The following JAZF1 variants were observed in gnomAD, a reference collection of about 807,000 sequenced individuals.
JAZF1 encodes the protein juxtaposed with another zinc finger protein 1.
JAZF1 carries 8 observed loss-of-function variants against 26.4 expected under a neutral mutation model. That is an observed-to-expected ratio of 0.30 (90% CI 0.18 to 0.55). JAZF1 has a LOEUF of 0.55. Ranked by LOEUF, JAZF1 falls within the 20% of genes least tolerant of loss-of-function variation. JAZF1 has a pLI of 0.94. For missense variants in JAZF1, 199 were observed against 322.0 expected (o/e 0.62, Z 2.92); for synonymous variants, 126 against 122.3 (o/e 1.03, Z -0.20).
chr7:28,015,909 C>T (rs992174220), intron 1 of JAZF1, among the ~76,000 whole-genome samples: 1 of 152,158 alleles, frequency 6.6e-6, no homozygotes, highest in African/African-American at 2.4e-5. Flanking sequence ...CCCCAGGCTC[C>T]AGGTCCCTGC....
At chr7:28,177,099 T>A (rs1313570614) in intron 1 of JAZF1, among the ~76,000 whole-genome samples, 3 of 152,174 alleles carry the variant, frequency 2.0e-5, no homozygotes, top group African/African-American at 7.2e-5. Context: ...GTTGCAGGGC[T>A]ACGGGATTTC....
intron 3 of JAZF1, among the ~76,000 whole-genome samples, chr7:27,848,656 A>C (rs1253911805): frequency 1.3e-5 from 2 of 152,160 alleles, no homozygotes; most frequent in Non-Finnish European, 2.9e-5. Context: ...GCTCTGATTG[A>C]AGTGCCACGG....
intron 1 of JAZF1, among the ~76,000 whole-genome samples, chr7:28,015,848 C>T (rs925789671): frequency 2.6e-5 from 4 of 152,140 alleles, no homozygotes; most frequent in South Asian, 4.1e-4. Context: ...TGCTCAGGAT[C>T]GTCCCTGAAA....
At chr7:28,047,000 G>A (rs922926052) in intron 1 of JAZF1, among the ~76,000 whole-genome samples, 3 of 151,776 alleles carry the variant, frequency 2.0e-5, no homozygotes, top group African/African-American at 7.3e-5. Flanking sequence ...AAGACTTCAG[G>A]GCTTCTTGTC....
chr7:27,930,323 A>T (rs1199861737), intron 2 of JAZF1, among the ~76,000 whole-genome samples: 1 of 152,214 alleles, frequency 6.6e-6, no homozygotes, highest in Admixed American at 6.5e-5. Flanking sequence ...TAATGAACAT[A>T]TATTACTTTT....
rs185054658 is a variant in JAZF1, at chr7:27,889,803, C to A, written c.385+5417G>T. ...AAAAATTAGCTGGGTGGTGTTGATG[C>A]GCACCTGTATTCCCAGCTACTTGGG... On this transcript the variant is annotated intron_variant, in intron 3 of 4. Transcript: ENST00000283928. 2.6e-3 allele frequency among the ~76,000 whole-genome samples: 395 copies of A among 152,078 alleles called. 10 individuals carry two copies. The highest frequency in any genetic ancestry group is 0.025 in the Admixed American group (382 of 15,286).
intron 3 of JAZF1, among the ~76,000 whole-genome samples, chr7:27,889,863 G>A (rs959387852): frequency 2.6e-5 from 4 of 151,856 alleles, no homozygotes; most frequent in East Asian, 1.9e-4. Context: ...AACCTGAAAG[G>A]TGGAGGTTGC....
intron 1 of JAZF1, among the ~76,000 whole-genome samples, chr7:28,063,221 AT>A (rs1783827687): frequency 6.6e-6 from 1 of 152,226 alleles, no homozygotes; most frequent in South Asian, 2.1e-4. Flanking sequence ...ACAATGCCTT[AT>A]TCTAAAACAT....
intron 2 of JAZF1, among the ~76,000 whole-genome samples, chr7:27,938,573 G>C (rs577809690): frequency 6.6e-6 from 1 of 152,324 alleles, no homozygotes; most frequent in African/African-American, 2.4e-5. Context: ...GAATAATACA[G>C]TTGTGAGGAT....
At chr7:28,083,346 G>A (rs1278356736) in intron 1 of JAZF1, among the ~76,000 whole-genome samples, 1 of 152,100 alleles carries the variant, frequency 6.6e-6, no homozygotes, top group African/African-American at 2.4e-5. Flanking sequence ...GCCACTCAAC[G>A]GATATTTACT....
At chr7:27,889,916 G>A (rs958740477) in intron 3 of JAZF1, among the ~76,000 whole-genome samples, 3 of 137,500 alleles carry the variant, frequency 2.2e-5, no homozygotes, top group African/African-American at 8.7e-5. Context: ...CTGAGTGATA[G>A]AGTGAGACTT....
chr7:28,020,469 TCC>T, intron 1 of JAZF1: 2 of 413,672 alleles, frequency 4.8e-6, no homozygotes, highest in Non-Finnish European at 1.0e-5. Flanking sequence ...TGCCTTCTCC[TCC>T]TGGAAGCAGG....
chr7:27,866,241 T>A (rs1421337824), intron 3 of JAZF1, among the ~76,000 whole-genome samples: 1 of 152,174 alleles, frequency 6.6e-6, no homozygotes, highest in African/African-American at 2.4e-5. Flanking sequence ...TATGATAAAA[T>A]GAAAGGAGCC....
At chr7:27,907,752 T>C (rs1235566493) in intron 2 of JAZF1, among the ~76,000 whole-genome samples, 4 of 152,080 alleles carry the variant, frequency 2.6e-5, no homozygotes, top group African/African-American at 4.8e-5. Flanking sequence ...AGGTCTCAAA[T>C]AGGTAGGGTT....
intron 3 of JAZF1, among the ~76,000 whole-genome samples, chr7:27,856,403 T>C (rs970325542): frequency 1.3e-5 from 2 of 151,858 alleles, no homozygotes; most frequent in African/African-American, 4.8e-5. Context: ...GCAGCAAGAG[T>C]TATTGCAAAG....
intron 2 of JAZF1, among the ~76,000 whole-genome samples, chr7:27,912,931 G>A (rs1182394927): frequency 6.6e-6 from 1 of 152,112 alleles, no homozygotes; most frequent in Non-Finnish European, 1.5e-5. Flanking sequence ...TTCCACTCAC[G>A]GTGCTGATGA....
chr7:28,095,892 G>A (rs1219659309), intron 1 of JAZF1, among the ~76,000 whole-genome samples: 1 of 152,220 alleles, frequency 6.6e-6, no homozygotes, highest in Non-Finnish European at 1.5e-5. Flanking sequence ...TCATAGGCTG[G>A]CCCTCTTGCT....
At chr7:28,092,598 T>C (rs1784321115) in intron 1 of JAZF1, among the ~76,000 whole-genome samples, 1 of 152,098 alleles carries the variant, frequency 6.6e-6, no homozygotes, top group South Asian at 2.1e-4. Context: ...ATCCCAGCAC[T>C]TTGGGAGGCT....
chr7:27,998,858 TCCTGGCAGA>T (rs1786075590), intron 1 of JAZF1, among the ~76,000 whole-genome samples: 1 of 152,190 alleles, frequency 6.6e-6, no homozygotes, highest in Non-Finnish European at 1.5e-5. Context: ...CCTTCCCTAT[TCCTGGCAGA>T]CCAGAGGGTT....
Sources: gnomAD v4.1 joint callset for allele counts (sites outside exome capture counted in the v4.1 genomes callset) on GRCh38, gnomAD v4.1.1 for gene constraint, MANE v1.5 for transcripts, NCBI Gene and HGNC (gene_info 2026-07-23, HGNC 2026-07-21) for gene names.